Variants in SNTB1 observed in about 807,000 individuals in gnomAD.
SNTB1 encodes syntrophin beta 1, also known as beta-1-syntrophin.
SNTB1 carries 36 observed loss-of-function variants against 48.9 expected under a neutral mutation model. That is an observed-to-expected ratio of 0.74 (90% CI 0.56 to 0.97). The LOEUF (loss-of-function observed/expected upper bound fraction) is 0.97, where lower values mean the gene tolerates loss of function less well. Ranked by LOEUF, SNTB1 falls within the 50% of genes least tolerant of loss-of-function variation. The pLI is 0.00. For synonymous variants in SNTB1, 299 were observed against 294.6 expected (o/e 1.01, Z -0.15); for missense variants, 786 against 703.4 (o/e 1.12, Z -1.33).
intron 1 of SNTB1, among the ~76,000 whole-genome samples, chr8:120,695,082 C>T (rs1818190253): frequency 6.6e-6 from 1 of 152,126 alleles, no homozygotes; most frequent in Admixed American, 6.6e-5. Context: ...TTGGAACATG[C>T]AATGTAAACT....
chr8:120,626,619 C>CT (rs939547835), intron 3 of SNTB1, among the ~76,000 whole-genome samples: 23 of 147,182 alleles, frequency 1.6e-4, no homozygotes, highest in Middle Eastern at 3.5e-3. Flanking sequence ...ATAGAACAAG[C>CT]TTTTTTTTTT....
At chr8:120,722,652 A>C (rs1320267042) in intron 1 of SNTB1, among the ~76,000 whole-genome samples, 1 of 152,202 alleles carries the variant, frequency 6.6e-6, no homozygotes, top group Non-Finnish European at 1.5e-5. Context: ...GCCCTTTGTC[A>C]GATGAGTAGA....
chr8:120,722,353 C>T (rs1021336493), intron 1 of SNTB1, among the ~76,000 whole-genome samples: 10 of 152,220 alleles, frequency 6.6e-5, no homozygotes, highest in African/African-American at 2.4e-4. Flanking sequence ...CTAGTTTACA[C>T]TCCCATCAAC....
chr8:120,681,340 A>G (rs6987352), intron 2 of SNTB1, among the ~76,000 whole-genome samples: 85,501 of 152,058 alleles, frequency 0.56, 27,289 homozygotes, highest in African/African-American at 0.89. Context: ...AGACAGGCAC[A>G]ACATGTTTGG....
chr8:120,789,222 C>T (rs573714913), intron 1 of SNTB1, among the ~76,000 whole-genome samples: 1 of 151,808 alleles, frequency 6.6e-6, no homozygotes, highest in East Asian at 1.9e-4. Flanking sequence ...ATGATCAAAA[C>T]CTCTGGGATA....
chr8:120,568,304 C>T (rs1815786068), intron 4 of SNTB1, among the ~76,000 whole-genome samples: 1 of 152,114 alleles, frequency 6.6e-6, no homozygotes, highest in Admixed American at 6.6e-5. Context: ...GAAGCTCAGC[C>T]TGGAGCTGCA....
intron 2 of SNTB1, among the ~76,000 whole-genome samples, chr8:120,677,995 A>G (rs1335609946): frequency 6.6e-6 from 1 of 152,210 alleles, no homozygotes; most frequent in Non-Finnish European, 1.5e-5. Context: ...TGAATGTTTA[A>G]TAATACAGGC....
chr8:120,564,082 T>C (rs1396949822), intron 4 of SNTB1, among the ~76,000 whole-genome samples: 1 of 147,900 alleles, frequency 6.8e-6, no homozygotes, highest in African/African-American at 2.5e-5. Flanking sequence ...CACTCCAACC[T>C]GGGCAATAAG....
chr8:120,752,995 A>G (rs1293027576), intron 1 of SNTB1, among the ~76,000 whole-genome samples: 3 of 132,636 alleles, frequency 2.3e-5, no homozygotes, highest in East Asian at 5.7e-4. Context: ...AAGAAAAAAA[A>G]AAAAAAAAAA....
At chr8:120,811,226 C>G (rs1820423485) in intron 1 of SNTB1, 47 bp downstream of exon 1, 2 of 1,537,876 alleles carry the variant, frequency 1.3e-6, no homozygotes, top group African/African-American at 2.7e-5. Context: ...GGAAGCCGAG[C>G]AGGTGTGTGC....
At chr8:120,704,483 G>A (rs144840703) in intron 1 of SNTB1, among the ~76,000 whole-genome samples, 56 of 151,818 alleles carry the variant, frequency 3.7e-4, no homozygotes, top group African/African-American at 1.2e-3. Context: ...AACAAAAAAC[G>A]TTTAATCTGC....
At chr8:120,637,879 G>T in intron 2 of SNTB1, 1 of 234,338 alleles carries the variant, frequency 4.3e-6, no homozygotes, top group Non-Finnish European at 9.2e-6. Context: ...TTTTAATTTT[G>T]ATGCCGAGTT....
intron 1 of SNTB1, among the ~76,000 whole-genome samples, chr8:120,803,162 G>A (rs1429397778): frequency 6.6e-6 from 1 of 152,146 alleles, no homozygotes; most frequent in East Asian, 1.9e-4. Context: ...AAAGAATGAT[G>A]CTTCAAACCA....
intron 1 of SNTB1, among the ~76,000 whole-genome samples, chr8:120,791,272 T>C (rs1820029471): frequency 6.6e-6 from 1 of 151,874 alleles, no homozygotes; most frequent in South Asian, 2.1e-4. Context: ...CCGGATCCTA[T>C]TTCTCACCAT....
At chr8:120,806,685 C>T (rs992586404) in intron 1 of SNTB1, among the ~76,000 whole-genome samples, 3 of 152,060 alleles carry the variant, frequency 2.0e-5, no homozygotes, top group African/African-American at 7.2e-5. Context: ...ACCCAGCTCC[C>T]TATGCTTTCC....
chr8:120,648,480 T>C (rs888079088), intron 2 of SNTB1, among the ~76,000 whole-genome samples: 2 of 151,890 alleles, frequency 1.3e-5, no homozygotes, highest in African/African-American at 4.8e-5. Flanking sequence ...TCTTTAAGAA[T>C]GTTGAATATT....
At chr8:120,749,802 C>T (rs1005463942) in intron 1 of SNTB1, among the ~76,000 whole-genome samples, 1 of 152,142 alleles carries the variant, frequency 6.6e-6, no homozygotes, top group Non-Finnish European at 1.5e-5. Context: ...GTCTGTGCTG[C>T]TCTTGGAATT....
intron 1 of SNTB1, among the ~76,000 whole-genome samples, chr8:120,739,402 A>G (rs892190549): frequency 1.3e-5 from 2 of 152,198 alleles, no homozygotes; most frequent in African/African-American, 4.8e-5. Flanking sequence ...GTTCTCAGAC[A>G]ATGGCATTCA....
intron 1 of SNTB1, among the ~76,000 whole-genome samples, chr8:120,764,417 A>C (rs1819480888): frequency 6.6e-6 from 1 of 152,224 alleles, no homozygotes; most frequent in Non-Finnish European, 1.5e-5. Flanking sequence ...ATAAGCAGTG[A>C]CTTTATCCAG....
Sources: allele counts gnomAD v4.1 joint callset (sites outside exome capture counted in the v4.1 genomes callset), GRCh38; gene constraint gnomAD v4.1.1; transcripts MANE v1.5; gene names NCBI Gene and HGNC (gene_info 2026-07-23, HGNC 2026-07-21).